The following NDEL1 variants were observed in gnomAD, a reference collection of about 807,000 sequenced individuals.
NDEL1 encodes the protein nudE neurodevelopment protein 1 like 1.
In NDEL1, 9 loss-of-function variants were observed where a neutral mutation model predicts 45.7. That is an observed-to-expected ratio of 0.20 (90% CI 0.12 to 0.34). The LOEUF is 0.34. Ranked by LOEUF, NDEL1 falls within the 10% of genes least tolerant of loss-of-function variation. NDEL1 has a pLI of 1.00. For synonymous variants in NDEL1, 133 were observed against 158.6 expected (o/e 0.84, Z 1.21); for missense variants, 306 against 406.2 (o/e 0.75, Z 2.12).
At chr17:8,445,953 G>A (rs779061553) in intron 3 of NDEL1, 89 bp downstream of exon 3, 29 of 1,247,460 alleles carry the variant, frequency 2.3e-5, no homozygotes, top group African/African-American at 6.2e-5. Flanking sequence ...AGCAGCTGGC[G>A]ACAAAAAATA....
chr17:8,422,053 G>T (rs1285341002), intron 1 of NDEL1, among the ~76,000 whole-genome samples: 27 of 152,198 alleles, frequency 1.8e-4, no homozygotes, highest in Non-Finnish European at 1.5e-5. Flanking sequence ...AATAACATGA[G>T]GCATGGCTGG....
intron 3 of NDEL1, chr17:8,474,193 T>C (rs963380343): frequency 1.3e-5 from 2 of 152,692 alleles, no homozygotes; most frequent in African/African-American, 4.8e-5. Context: ...GAACAGAAGG[T>C]GAGAAAACAG....
downstream of NDEL1, among the ~76,000 whole-genome samples, chr17:8,471,713 ACAC>A (rs1172810189): frequency 1.3e-5 from 2 of 152,192 alleles, no homozygotes; most frequent in Non-Finnish European, 2.9e-5. Context: ...TGATGGACTT[ACAC>A]CCTTTCAATA....
At chr17:8,425,783 CTT>C (rs374111380) in intron 1 of NDEL1, among the ~76,000 whole-genome samples, 1 of 144,946 alleles carries the variant, frequency 6.9e-6, no homozygotes. Flanking sequence ...GGTTCTTTGT[CTT>C]TTTTTTTTTT....
At chr17:8,414,589 C>T (rs1908501119) in intron 1 of NDEL1, among the ~76,000 whole-genome samples, 2 of 152,102 alleles carry the variant, frequency 1.3e-5, no homozygotes, top group Admixed American at 1.3e-4. Flanking sequence ...ATGGTGTGAA[C>T]TTGGGAGGCG....
At chr17:8,417,939 GA>G (rs1313598250) in intron 1 of NDEL1, among the ~76,000 whole-genome samples, 1 of 152,170 alleles carries the variant, frequency 6.6e-6, no homozygotes, top group East Asian at 1.9e-4. Context: ...AGCCTGTGTT[GA>G]AATGCTTTGT....
chr17:8,450,594 A>G (rs937666906), intron 5 of NDEL1, among the ~76,000 whole-genome samples, 186 bp from the exon 6 acceptor site: 1 of 152,214 alleles, frequency 6.6e-6, no homozygotes, highest in Non-Finnish European at 1.5e-5. Context: ...ATTCTAAAAG[A>G]TCATTTAGAC....
chr17:8,446,649 G>A (rs1392469654), intron 3 of NDEL1, 105 bp from the exon 4 acceptor site: 4 of 1,079,406 alleles, frequency 3.7e-6, no homozygotes, highest in Non-Finnish European at 3.9e-6. Context: ...ACAAGAGTGT[G>A]GGTAAATTCC....
intron 3 of NDEL1, among the ~76,000 whole-genome samples, chr17:8,446,418 G>A (rs756972754): frequency 1.3e-5 from 2 of 152,108 alleles, no homozygotes; most frequent in Non-Finnish European, 2.9e-5. Context: ...TGAAAGGTAG[G>A]GAATGTGAAC....
chr17:8,453,315 AT>A (rs1385782790), intron 6 of NDEL1, among the ~76,000 whole-genome samples: 1 of 152,216 alleles, frequency 6.6e-6, no homozygotes, highest in Non-Finnish European at 1.5e-5. Flanking sequence ...CCACACAAGT[AT>A]TTTCGTTGCT....
At chr17:8,461,328 T>G (rs1348911807) in intron 8 of NDEL1, 7 of 152,222 alleles carry the variant, frequency 4.6e-5, no homozygotes, top group Non-Finnish European at 1.0e-4. Context: ...GAATATACAT[T>G]TCATTAAGGA....
chr17:8,435,505 G>C (rs1164071234), upstream of NDEL1, among the ~76,000 whole-genome samples: 1 of 152,238 alleles, frequency 6.6e-6, no homozygotes, highest in African/African-American at 2.4e-5. Context: ...TTGGGTGTTC[G>C]AGCAGGGGGA....
At chr17:8,472,783 C>A (rs540122600), downstream of NDEL1, among the ~76,000 whole-genome samples, 3 of 152,314 alleles carry the variant, frequency 2.0e-5, no homozygotes, top group East Asian at 5.8e-4. Context: ...GTGGCAAGGG[C>A]AGAGCGCTTA....
intron 1 of NDEL1, among the ~76,000 whole-genome samples, chr17:8,427,073 G>A (rs1362350846): frequency 6.6e-6 from 1 of 152,200 alleles, no homozygotes; most frequent in African/African-American, 2.4e-5. Context: ...GAAAGGGAAG[G>A]GGGCTTGGAA....
chr17:8,416,489 G>A (rs566040963), intron 1 of NDEL1, among the ~76,000 whole-genome samples: 76 of 152,230 alleles, frequency 5.0e-4, no homozygotes, highest in Non-Finnish European at 1.0e-3. Context: ...AATGTTAAAG[G>A]CAATGGTTCA....
intron 1 of NDEL1, among the ~76,000 whole-genome samples, chr17:8,423,478 G>A (rs116771801): frequency 0.011 from 1,730 of 152,182 alleles, 38 homozygotes; most frequent in African/African-American, 0.038. Context: ...GAGGCCAGGC[G>A]GTAGAGACCA....
In NDEL1 at chr17:8,448,162, G is replaced by T. The variant is rs866055909; in HGVS notation, c.390-388G>T. On this transcript the variant is annotated intron_variant, in intron 4 of 8. Coordinates refer to ENST00000334527, the MANE Select transcript of NDEL1 (RefSeq NM_030808.5). ...AGTTCTAGGAAGTCAGTGTGAATTG[G>T]CCTTAGGTTCCCTGACTTGGGACTT... 3.3e-5 allele frequency among the ~76,000 whole-genome samples: 5 copies of T among 152,318 alleles called. No homozygotes were observed. The South Asian group carries it at 1.0e-3, about 32-fold the overall frequency.
intron 1 of NDEL1, among the ~76,000 whole-genome samples, chr17:8,428,688 G>A (rs945146380): frequency 1.3e-5 from 2 of 149,460 alleles, no homozygotes; most frequent in Non-Finnish European, 3.0e-5. Context: ...TAAGATTTTT[G>A]TTTTTTTGAG....
At chr17:8,416,958 T>C (rs12150003) in intron 1 of NDEL1, among the ~76,000 whole-genome samples, 58,151 of 151,992 alleles carry the variant, frequency 0.38, 11,332 homozygotes, top group Non-Finnish European at 0.41. Flanking sequence ...AAAAGCGCTC[T>C]TGTTCTCACT....
Sources: allele counts gnomAD v4.1 joint callset (sites outside exome capture counted in the v4.1 genomes callset), GRCh38; gene constraint gnomAD v4.1.1; transcripts MANE v1.5; gene names NCBI Gene and HGNC (gene_info 2026-07-23, HGNC 2026-07-21).